The following MAPRE2 variants were observed in gnomAD, a reference collection of about 807,000 sequenced individuals.
MAPRE2 encodes the protein microtubule-associated protein RP/EB family member 2.
MAPRE2 carries 13 observed loss-of-function variants against 43.2 expected under a neutral mutation model. That is an observed-to-expected ratio of 0.30 (90% CI 0.20 to 0.48). The LOEUF (loss-of-function observed/expected upper bound fraction) is 0.48. Among genes scored for constraint, MAPRE2 ranks in the 20% least tolerant of loss-of-function variants. The pLI, the probability that MAPRE2 is intolerant of heterozygous loss-of-function variation, is 0.99. For synonymous variants in MAPRE2, 135 were observed against 148.8 expected (o/e 0.91, Z 0.68); for missense variants, 161 against 400.2 (o/e 0.40, Z 5.10).
intron 2 of MAPRE2, among the ~76,000 whole-genome samples, chr18:35,016,066 T>G (rs273362): frequency 0.68 from 102,588 of 151,702 alleles, 35,957 homozygotes; most frequent in East Asian, 0.98. Flanking sequence ...TTTCTATATC[T>G]GTGTTAATTT....
chr18:35,081,175 A>C (rs1907612038), intron 2 of MAPRE2, among the ~76,000 whole-genome samples: 1 of 152,244 alleles, frequency 6.6e-6, no homozygotes, highest in Non-Finnish European at 1.5e-5. Flanking sequence ...TCTACTATTT[A>C]AAAACCTCAC....
chr18:35,004,227 G>A (rs2097030709), intron 1 of MAPRE2, among the ~76,000 whole-genome samples: 1 of 151,732 alleles, frequency 6.6e-6, no homozygotes, highest in South Asian at 2.1e-4. Flanking sequence ...AATTCTACCA[G>A]CAACATCTCC....
intron 1 of MAPRE2, among the ~76,000 whole-genome samples, chr18:34,998,440 C>T (rs1007751187): frequency 6.6e-6 from 1 of 151,586 alleles, no homozygotes; most frequent in Non-Finnish European, 1.5e-5. Context: ...CATTCTCCTG[C>T]CTCAGCCTCC....
At chr18:34,994,322 A>T (rs2097025354) in intron 1 of MAPRE2, among the ~76,000 whole-genome samples, 1 of 152,200 alleles carries the variant, frequency 6.6e-6, no homozygotes, top group African/African-American at 2.4e-5. Flanking sequence ...TCTTATGAGC[A>T]CTATTCAACA....
At chr18:35,015,730 G>A (rs2097037824) in intron 2 of MAPRE2, among the ~76,000 whole-genome samples, 1 of 150,516 alleles carries the variant, frequency 6.6e-6, no homozygotes, top group South Asian at 2.1e-4. Context: ...TTCTACAGTT[G>A]TCAGATCATG....
intron 2 of MAPRE2, among the ~76,000 whole-genome samples, chr18:35,093,919 C>T (rs1908280642): frequency 6.6e-6 from 1 of 152,092 alleles, no homozygotes; most frequent in Non-Finnish European, 1.5e-5. Flanking sequence ...CTCTCAAATC[C>T]CAGGAGTGTA....
chr18:35,060,238 G>A (rs969757258), intron 1 of MAPRE2, among the ~76,000 whole-genome samples: 1 of 152,108 alleles, frequency 6.6e-6, no homozygotes, highest in Non-Finnish European at 1.5e-5. Context: ...GTAGGGCTGG[G>A]AAAGTAAACA....
chr18:35,051,727 C>T (rs1426523936), intron 1 of MAPRE2, among the ~76,000 whole-genome samples: 2 of 152,150 alleles, frequency 1.3e-5, no homozygotes, highest in African/African-American at 4.8e-5. Context: ...AGCTCCATCC[C>T]TTTCTAGGGC....
intron 2 of MAPRE2, among the ~76,000 whole-genome samples, chr18:35,085,180 G>T (rs1485647111): frequency 1.3e-5 from 2 of 152,202 alleles, no homozygotes; most frequent in Non-Finnish European, 2.9e-5. Flanking sequence ...TAGGTAGAGA[G>T]ATTTCTGCTG....
At chr18:35,004,498 C>G (rs2097030837) in intron 1 of MAPRE2, among the ~76,000 whole-genome samples, 1 of 152,214 alleles carries the variant, frequency 6.6e-6, no homozygotes, top group Non-Finnish European at 1.5e-5. Context: ...ACACTTGATT[C>G]TCAAAGCAAA....
chr18:35,130,430 G>C (rs1910095867), intron 5 of MAPRE2, among the ~76,000 whole-genome samples: 1 of 152,128 alleles, frequency 6.6e-6, no homozygotes, highest in African/African-American at 2.4e-5. Flanking sequence ...TGTCAGTGAG[G>C]GTAACCCTGA....
chr18:35,112,641 A>T (rs1013012018), intron 4 of MAPRE2, among the ~76,000 whole-genome samples: 1 of 152,222 alleles, frequency 6.6e-6, no homozygotes, highest in East Asian at 1.9e-4. Context: ...GGCCCAACTA[A>T]TTAAATTATT....
intron 4 of MAPRE2, among the ~76,000 whole-genome samples, chr18:35,126,389 G>A (rs938413783): frequency 6.6e-6 from 1 of 152,128 alleles, no homozygotes; most frequent in African/African-American, 2.4e-5. Flanking sequence ...CATTTCTCAA[G>A]AAGCCCTTTT....
chr18:35,119,317 A>G (rs1909565385), intron 4 of MAPRE2, among the ~76,000 whole-genome samples: 3 of 152,094 alleles, frequency 2.0e-5, no homozygotes, highest in African/African-American at 7.2e-5. Context: ...TGAAATTCCT[A>G]TTTAAAATTG....
At chr18:35,119,187 T>A (rs1316939117) in intron 4 of MAPRE2, among the ~76,000 whole-genome samples, 1 of 152,124 alleles carries the variant, frequency 6.6e-6, no homozygotes, top group African/African-American at 2.4e-5. Context: ...TGGTGCTTGG[T>A]GTTCTGACCT....
intron 4 of MAPRE2, among the ~76,000 whole-genome samples, chr18:35,124,259 G>A (rs1909811718): frequency 6.6e-6 from 1 of 152,142 alleles, no homozygotes; most frequent in Non-Finnish European, 1.5e-5. Flanking sequence ...GCCAAGCAAA[G>A]AGGGAAAAAG....
At chr18:35,057,828 G>A (rs921610119) in intron 1 of MAPRE2, among the ~76,000 whole-genome samples, 1 of 152,122 alleles carries the variant, frequency 6.6e-6, no homozygotes, top group Non-Finnish European at 1.5e-5. Context: ...TTTTGGGGAC[G>A]ATGCCCTACG....
intron 1 of MAPRE2, among the ~76,000 whole-genome samples, chr18:34,979,182 C>T (rs2097014801): frequency 2.0e-5 from 3 of 152,178 alleles, no homozygotes; most frequent in African/African-American, 7.2e-5. Flanking sequence ...TTTCCCTTCC[C>T]TGGCTAGGGT....
At chr18:35,085,410 A>G (rs150329263) in intron 2 of MAPRE2, among the ~76,000 whole-genome samples, 337 of 152,332 alleles carry the variant, frequency 2.2e-3, no homozygotes, top group African/African-American at 7.7e-3. Flanking sequence ...AATATGAAGG[A>G]GATTTTTCAT....
Sources: gnomAD v4.1 joint callset for allele counts (sites outside exome capture counted in the v4.1 genomes callset) on GRCh38, gnomAD v4.1.1 for gene constraint, MANE v1.5 for transcripts, NCBI Gene and HGNC (gene_info 2026-07-23, HGNC 2026-07-21) for gene names.